The following RANBP2 variants were observed in gnomAD, a reference collection of about 807,000 sequenced individuals.
RANBP2 encodes RAN binding protein 2.
Under a neutral mutation model 303.6 loss-of-function variants are expected in RANBP2, and 57 were observed. The observed-to-expected ratio is 0.19, with a 90% confidence interval of 0.15 to 0.23. RANBP2 has a LOEUF of 0.23. Among genes scored for constraint, RANBP2 ranks in the 10% least tolerant of loss-of-function variants. The probability of loss-of-function intolerance (pLI) is 1.00; values close to 1 mark genes in which losing one functional copy is unlikely to be tolerated. For synonymous variants in RANBP2, 1,167 were observed against 1,301.5 expected, an observed-to-expected ratio of 0.90 and a Z score of 2.23; for missense variants, 3,138 against 3,780.8, an observed-to-expected ratio of 0.83 and a Z score of 4.46.
chr2:109,321,080 C>A, the RANBP2 span, among the ~76,000 whole-genome samples: 2 of 152,186 alleles, frequency 1.3e-5, no homozygotes, highest in African/African-American at 4.8e-5. Context: ...ATGATTACTA[C>A]TGATAATGAT....
the RANBP2 span, among the ~76,000 whole-genome samples, chr2:109,323,984 C>T: frequency 6.6e-6 from 1 of 152,192 alleles, no homozygotes; most frequent in Admixed American, 6.5e-5. Flanking sequence ...CTTCCCCCAG[C>T]CCCTGGAAAA....
chr2:108,929,537 G>A, the RANBP2 span, among the ~76,000 whole-genome samples: 1 of 152,192 alleles, frequency 6.6e-6, no homozygotes, highest in Admixed American at 6.5e-5. Context: ...AAACCCCCCA[G>A]GAACCAGCTC....
intron 5 of RANBP2, 79 bp from the exon 6 acceptor site, chr2:108,736,025 A>G (rs1282881435): frequency 6.2e-7 from 1 of 1,610,510 alleles, no homozygotes; most frequent in Non-Finnish European, 8.5e-7. Context: ...GAGTGAGAAA[A>G]GGAATTTGTA....
the RANBP2 span, among the ~76,000 whole-genome samples, chr2:108,989,924 T>C: frequency 3.3e-5 from 5 of 152,194 alleles, no homozygotes; most frequent in Admixed American, 3.3e-4. Context: ...AGGCTAGATT[T>C]CTGTGTTCTC....
At chr2:109,327,748 T>G in the RANBP2 span, among the ~76,000 whole-genome samples, 1 of 152,366 alleles carries the variant, frequency 6.6e-6, no homozygotes, top group South Asian at 2.1e-4. Flanking sequence ...TATAAAGTAT[T>G]TTTAATTATA....
At chr2:108,827,827 A>C in the RANBP2 span, among the ~76,000 whole-genome samples, 33 of 152,022 alleles carry the variant, frequency 2.2e-4, no homozygotes, top group Admixed American at 1.1e-3. Flanking sequence ...AAAAAAAAAA[A>C]AAAAATTAAA....
chr2:109,286,420 G>A, the RANBP2 span, among the ~76,000 whole-genome samples: 1 of 152,152 alleles, frequency 6.6e-6, no homozygotes, highest in Non-Finnish European at 1.5e-5. Flanking sequence ...AGGGGCAAAG[G>A]GCATGGGGCT....
At chr2:108,986,220 G>C in the RANBP2 span, among the ~76,000 whole-genome samples, 4 of 152,138 alleles carry the variant, frequency 2.6e-5, no homozygotes, top group African/African-American at 9.6e-5. Flanking sequence ...GCCTATATTT[G>C]ACAGTTTTTT....
the RANBP2 span, among the ~76,000 whole-genome samples, chr2:108,961,051 C>A: frequency 1.3e-5 from 2 of 152,172 alleles, no homozygotes; most frequent in Non-Finnish European, 2.9e-5. Context: ...AGAGGCCAGG[C>A]GTATAAATGA....
chr2:109,149,174 A>T, the RANBP2 span, among the ~76,000 whole-genome samples: 1 of 152,012 alleles, frequency 6.6e-6, no homozygotes, highest in East Asian at 1.9e-4. Context: ...AGTGGGCAGG[A>T]CTCAGGGCAG....
the RANBP2 span, among the ~76,000 whole-genome samples, chr2:108,977,480 C>T: frequency 3.3e-5 from 5 of 152,158 alleles, no homozygotes; most frequent in Non-Finnish European, 7.3e-5. Context: ...CTGTGTTCGC[C>T]AGGATGGTCT....
chr2:108,826,539 C>A, the RANBP2 span, among the ~76,000 whole-genome samples: 3 of 152,086 alleles, frequency 2.0e-5, no homozygotes, highest in Admixed American at 1.3e-4. Context: ...TGTTTCGGTA[C>A]CATGTTGAAA....
At chr2:109,701,384 G>A in the RANBP2 span, among the ~76,000 whole-genome samples, 3 of 152,170 alleles carry the variant, frequency 2.0e-5, no homozygotes, top group African/African-American at 7.2e-5. Context: ...CGGGGGTACA[G>A]TTTGCTTTTA....
chr2:109,004,710 T>C, the RANBP2 span, among the ~76,000 whole-genome samples: 1 of 152,210 alleles, frequency 6.6e-6, no homozygotes, highest in African/African-American at 2.4e-5. Context: ...CTGGAAAGAA[T>C]CTCTCATCTC....
the RANBP2 span, among the ~76,000 whole-genome samples, chr2:108,952,155 C>A: frequency 6.6e-6 from 1 of 152,182 alleles, no homozygotes; most frequent in African/African-American, 2.4e-5. Flanking sequence ...GATATCATCT[C>A]AAGGACCTGA....
At chr2:108,809,655 C>G in the RANBP2 span, among the ~76,000 whole-genome samples, 3 of 152,036 alleles carry the variant, frequency 2.0e-5, no homozygotes, top group African/African-American at 7.2e-5. Flanking sequence ...TTTGGAAATG[C>G]TACTGATTTT....
the RANBP2 span, among the ~76,000 whole-genome samples, chr2:108,978,435 CT>C: frequency 6.6e-6 from 1 of 152,188 alleles, no homozygotes; most frequent in South Asian, 2.1e-4. Context: ...CTTTGCTAAT[CT>C]GTGGGCTTGT....
chr2:109,576,269 A>T, the RANBP2 span, among the ~76,000 whole-genome samples: 2 of 150,738 alleles, frequency 1.3e-5, no homozygotes, highest in Non-Finnish European at 3.0e-5. Context: ...AAATGAATTA[A>T]ATATATATAT....
chr2:109,630,896 T>C, the RANBP2 span, among the ~76,000 whole-genome samples: 1 of 152,002 alleles, frequency 6.6e-6, no homozygotes, highest in East Asian at 1.9e-4. Flanking sequence ...CGAAAACCCA[T>C]CTCTACTAAA....
Sources: allele counts gnomAD v4.1 joint callset (sites outside exome capture counted in the v4.1 genomes callset), GRCh38; gene constraint gnomAD v4.1.1; transcripts MANE v1.5; gene names NCBI Gene and HGNC (gene_info 2026-07-23, HGNC 2026-07-21).